The following HERC2 variants were observed in gnomAD, a reference collection of about 807,000 sequenced individuals.
HERC2 encodes the protein HECT and RLD domain containing E3 ubiquitin protein ligase 2.
In HERC2, 102 loss-of-function variants were observed where a neutral mutation model predicts 537.7. The observed-to-expected ratio is 0.19, with a 90% CI of 0.16 to 0.22. The LOEUF is 0.22. Among genes scored for constraint, HERC2 ranks in the 10% least tolerant of loss-of-function variants. The pLI is 1.00. For missense variants in HERC2, 4,236 were observed against 6,198.2 expected (o/e 0.68, Z 10.63); for synonymous variants, 2,224 against 2,466.2 (o/e 0.90, Z 2.91).
intron 20 of HERC2, among the ~76,000 whole-genome samples, chr15:28,252,369 A>G (rs1466696154): frequency 5.9e-5 from 9 of 152,124 alleles, no homozygotes; most frequent in East Asian, 3.8e-4. Flanking sequence ...CAGGAACCCT[A>G]GACTCACCCC....
intron 70 of HERC2, among the ~76,000 whole-genome samples, chr15:28,148,447 T>C (rs1210033548): frequency 6.6e-6 from 1 of 152,072 alleles, no homozygotes; most frequent in East Asian, 1.9e-4. Context: ...AGTTACCAAG[T>C]GTCCCCAGAA....
rs1887836206 is a variant in HERC2 at position 28,113,165 on chromosome 15, T to G, written c.14138A>C (p.Asn4713Thr). The change falls in exon 92 of 93, where the codon AAC becomes ACC. Residue 4713 changes from asparagine (N) to threonine (T), a missense_variant. Transcript: ENST00000261609. The surrounding 1 kb of genome is among the most constrained non-coding windows in gnomAD (Gnocchi z 7.0). Reference protein sequence around the residue: ...WFWEVMESFSNTERSLFLRFV... With the variant: ...WFWEVMESFSTTERSLFLRFV... Reference sequence around the variant, plus strand: ...GCGAAGGAAAAGAGAGCGCTCTGTGTTGGAGAAGGACTCCATCACCTCCCA... The same window carrying G: ...GCGAAGGAAAAGAGAGCGCTCTGTGGTGGAGAAGGACTCCATCACCTCCCA... The G allele has an allele frequency of 6.2e-7, 1 of 1,614,060 alleles. No homozygotes were observed. The highest frequency in any genetic ancestry group is 2.2e-5 in the East Asian group (1 of 44,872).
chr15:28,210,938 C>T (rs1899142209), intron 44 of HERC2, 64 bp downstream of exon 44: 1 of 1,042,194 alleles, frequency 9.6e-7, no homozygotes, highest in Admixed American at 1.7e-5. Context: ...ACTGATTATT[C>T]ACTTCCTTTG....
At chr15:28,321,564 G>A (rs4932629) in intron 1 of HERC2, 100 bp from the exon 2 acceptor site, 2 of 536,500 alleles carry the variant, frequency 3.7e-6, no homozygotes, top group Non-Finnish European at 6.1e-6. Flanking sequence ...GAACAGAAAG[G>A]GGGGAGAGAA....
At chr15:28,138,921 G>C (rs1466294735) in intron 78 of HERC2, among the ~76,000 whole-genome samples, 1 of 152,188 alleles carries the variant, frequency 6.6e-6, no homozygotes, top group East Asian at 1.9e-4. Context: ...AACATTAACA[G>C]GGATTTGGAA....
At position 28,265,788 on chromosome 15, in the gene HERC2, A is replaced by G. The variant is rs1276207514; in HGVS notation, c.1756+29T>C. ...CCTGTAAGAGGCCACCTCCTGCTGC[A>G]TGCTCCCACTCATGCAGAGCAGACG... On this transcript the variant is annotated intron_variant, in intron 13 of 92. Coordinates refer to ENST00000261609, the MANE Select transcript of HERC2 (RefSeq NM_004667.6). The surrounding 1 kb of genome is among the most constrained non-coding windows in gnomAD (Gnocchi z 4.0). The G allele has an allele frequency of 1.4e-5, 23 of 1,614,002 alleles. No homozygotes were observed. The highest frequency in any genetic ancestry group is 1.9e-5 in the Non-Finnish European group (23 of 1,180,004).
At chr15:28,251,533 G>A (rs1195957769) in intron 20 of HERC2, among the ~76,000 whole-genome samples, 1 of 151,642 alleles carries the variant, frequency 6.6e-6, no homozygotes, top group African/African-American at 2.4e-5. Flanking sequence ...AGGCGCGGTG[G>A]CTCACGCCTG....
At chr15:28,270,899 A>G in intron 9 of HERC2, 31 bp from the exon 10 acceptor site, 1 of 1,593,854 alleles carries the variant, frequency 6.3e-7, no homozygotes, top group Non-Finnish European at 8.6e-7. Flanking sequence ...AAAATTCAGA[A>G]ATGGTGGGAA....
intron 56 of HERC2, among the ~76,000 whole-genome samples, chr15:28,184,616 CT>C (rs1409170600): frequency 6.6e-6 from 1 of 151,986 alleles, no homozygotes; most frequent in Non-Finnish European, 1.5e-5. Context: ...AATCCCAGCA[CT>C]TTGGGAGGCT....
rs1434358188 is a variant in HERC2, at chr15:28,146,265, G to A, written c.10980C>T (p.Gly3660=). 10 of 1,613,754 alleles carry A rather than the reference G, an allele frequency of 6.2e-6. No homozygotes were observed. The highest frequency in any genetic ancestry group is 1.6e-4 in the Middle Eastern group (1 of 6,084). ...RRHDPLTVMD[G]VNRIVSVRSG... is the part of the protein sequence containing the mutation. ...ACCGCACGGAGACGATCCTGTTGACGCCGTCCATGACTGTGAGAGGGTCGT... is the reference window on the plus strand; with the variant it reads ...ACCGCACGGAGACGATCCTGTTGACACCGTCCATGACTGTGAGAGGGTCGT... The change falls in exon 71 of 93, where the codon GGC becomes GGT. Residue 3660 remains glycine, a synonymous_variant. Coordinates refer to ENST00000261609, the MANE Select transcript of HERC2 (RefSeq NM_004667.6).
intron 55 of HERC2, chr15:28,190,706 G>T (rs900301493): frequency 3.9e-6 from 2 of 516,598 alleles, no homozygotes; most frequent in Non-Finnish European, 3.4e-6. Context: ...GAAAACTTTT[G>T]CTAGGAGCAG....
intron 4 of HERC2, among the ~76,000 whole-genome samples, chr15:28,282,977 G>A (rs751523024): frequency 4.0e-5 from 6 of 148,246 alleles, no homozygotes; most frequent in African/African-American, 5.0e-5. Context: ...GGGATGGGAC[G>A]GGACGGGACT....
At chr15:28,139,214 C>T (rs771422283) in intron 78 of HERC2, among the ~76,000 whole-genome samples, 48 of 152,214 alleles carry the variant, frequency 3.2e-4, no homozygotes, top group Admixed American at 1.7e-3. Context: ...GACTTAATGA[C>T]CTGCTTCTGA....
chr15:28,152,855 T>C (rs1365151103), intron 69 of HERC2, 25 bp from the exon 70 acceptor site: 3 of 1,553,530 alleles, frequency 1.9e-6, no homozygotes, highest in African/African-American at 2.7e-5. Context: ...AGGACATGAA[T>C]GAGGGGGCCA....
At position 28,191,359 on chromosome 15, in the gene HERC2, T is replaced by G. The variant is rs1017402501; in HGVS notation, c.8452-115A>C. On this transcript the variant is annotated intron_variant, in intron 53 of 92. Coordinates refer to ENST00000261609, the MANE Select transcript of HERC2 (RefSeq NM_004667.6). ...CATGAGATTTTTTCAATATAAAATG[T>G]AGCATGAGAGAGAATTTTCCCTCAA... The G allele has an allele frequency of 1.9e-5, 13 of 667,372 alleles. No homozygotes were observed. In the African/African-American group the frequency reaches 2.2e-4, roughly 11 times the overall value. The allele number at this position is 667,372 out of a possible 1,614,324, so 41.3% of individuals were successfully genotyped here.
intron 40 of HERC2, 131 bp from the exon 41 acceptor site, chr15:28,214,403 A>G: frequency 1.0e-6 from 1 of 974,784 alleles, no homozygotes; most frequent in Non-Finnish European, 1.6e-6. Flanking sequence ...GGAGACGGCC[A>G]TGCACCTCTG....
intron 11 of HERC2, 89 bp downstream of exon 11, chr15:28,269,159 G>A (rs545992875): frequency 1.2e-4 from 116 of 935,044 alleles, no homozygotes; most frequent in African/African-American, 3.3e-5. Flanking sequence ...GAAATCAAAC[G>A]CCTTAAAGAA....
At chr15:28,225,064 A>G (rs1900979461) in intron 35 of HERC2, among the ~76,000 whole-genome samples, 1 of 152,202 alleles carries the variant, frequency 6.6e-6, no homozygotes, top group African/African-American at 2.4e-5. Context: ...TTAACTCTAC[A>G]TCTGGAAGAA....
intron 52 of HERC2, among the ~76,000 whole-genome samples, chr15:28,194,356 G>T (rs1427382076): frequency 6.8e-6 from 1 of 146,194 alleles, no homozygotes; most frequent in Non-Finnish European, 1.5e-5. Context: ...GGATCACAAG[G>T]TCAGGAGATC....
Sources: gnomAD v4.1 joint callset for allele counts (sites outside exome capture counted in the v4.1 genomes callset) on GRCh38, gnomAD v4.1.1 for gene constraint, Gnocchi (gnomAD v3.1) non-coding constraint, MANE v1.5 for transcripts, NCBI Gene and HGNC (gene_info 2026-07-23, HGNC 2026-07-21) for gene names.